Variants in CLINT1 observed in about 807,000 individuals in gnomAD.
The protein encoded by CLINT1 is clathrin interactor 1, also known as clathrin interacting protein localized in the trans-Golgi region.
Under a neutral mutation model 70.4 loss-of-function variants are expected in CLINT1, and 15 were observed. The ratio of observed to expected loss-of-function variants is 0.21; its 90% CI spans 0.14 to 0.33. CLINT1 has a LOEUF of 0.33. Among genes scored for constraint, CLINT1 ranks in the 10% least tolerant of loss-of-function variants. The probability of loss-of-function intolerance (pLI) is 1.00; values close to 1 mark genes in which losing one functional copy is unlikely to be tolerated. For synonymous variants in CLINT1, 227 were observed against 254.7 expected, an observed-to-expected ratio of 0.89 and a Z score of 1.04; for missense variants, 615 against 778.1, an observed-to-expected ratio of 0.79 and a Z score of 2.49.
chr5:157,825,849 C>A (rs1267285895), intron 1 of CLINT1, among the ~76,000 whole-genome samples: 1 of 152,056 alleles, frequency 6.6e-6, no homozygotes, highest in Admixed American at 6.5e-5. Context: ...TTTCAATAAT[C>A]GTTGAATCCA....
At chr5:157,848,437 C>T (rs1211591348) in intron 1 of CLINT1, among the ~76,000 whole-genome samples, 1 of 152,012 alleles carries the variant, frequency 6.6e-6, no homozygotes, top group Non-Finnish European at 1.5e-5. Flanking sequence ...CGCAGTCTCG[C>T]TCTGTTGCCC....
At chr5:157,811,243 T>G (rs923468424) in intron 5 of CLINT1, among the ~76,000 whole-genome samples, 3 of 152,076 alleles carry the variant, frequency 2.0e-5, no homozygotes, top group Non-Finnish European at 4.4e-5. Flanking sequence ...AATGTCAGAA[T>G]GAAAAAACAC....
intron 1 of CLINT1, among the ~76,000 whole-genome samples, chr5:157,846,668 A>T (rs1753391817): frequency 6.6e-6 from 1 of 152,220 alleles, no homozygotes; most frequent in African/African-American, 2.4e-5. Context: ...TTCCAGTGGA[A>T]GATGCCATCT....
chr5:157,839,614 A>AC (rs1430744596), intron 1 of CLINT1, among the ~76,000 whole-genome samples: 8 of 147,448 alleles, frequency 5.4e-5, no homozygotes, highest in African/African-American at 1.8e-4. Flanking sequence ...TAAAATAAAA[A>AC]AAAAAAACAA....
At position 157,786,944 on chromosome 5, in the gene CLINT1, A is replaced by T. The variant is rs912506146; in HGVS notation, c.*702T>A. The T allele has an allele frequency of 6.6e-6, 1 of 152,474 alleles. No individual in the cohort carries two copies. Among genetic ancestry groups the T allele is most frequent in the Admixed American group, 6.5e-5 (1 of 15,290 alleles). The allele number at this position is 152,474 out of a possible 1,614,324, so 9.4% of individuals were successfully genotyped here. A position where few individuals can be genotyped will look rare whatever the true frequency, so the allele number is the denominator to read the frequency against. On this transcript the variant is annotated 3_prime_UTR_variant, in exon 12 of 12. Coordinates refer to ENST00000411809, the MANE Select transcript of CLINT1 (RefSeq NM_014666.4). ...AAACCATAGAGCAGTCCTGAAAAAA[A>T]TTTCTTCCTAGTTCTGCACAGGATA...
intron 1 of CLINT1, among the ~76,000 whole-genome samples, chr5:157,824,782 T>C (rs1762984260): frequency 6.6e-6 from 1 of 152,196 alleles, no homozygotes; most frequent in African/African-American, 2.4e-5. Flanking sequence ...AATGGCATAT[T>C]TAAAAACTAT....
intron 1 of CLINT1, among the ~76,000 whole-genome samples, chr5:157,829,002 T>C (rs752713084): frequency 6.6e-6 from 1 of 151,248 alleles, no homozygotes; most frequent in Admixed American, 6.6e-5. Flanking sequence ...CTCAGGAGGC[T>C]GAGGCAAGAG....
chr5:157,855,928 C>G (rs7719092), intron 1 of CLINT1, among the ~76,000 whole-genome samples: 2 of 151,630 alleles, frequency 1.3e-5, no homozygotes, highest in Non-Finnish European at 2.9e-5. Context: ...AGAGCGAAAC[C>G]CCATCTCAAA....
chr5:157,798,130 G>GTTTC (rs1645034472), intron 8 of CLINT1, among the ~76,000 whole-genome samples: 1 of 152,066 alleles, frequency 6.6e-6, no homozygotes, highest in African/African-American at 2.4e-5. Context: ...TTTAGAAAAT[G>GTTTC]TTTCTCTCCT....
At chr5:157,847,389 T>C (rs184043110) in intron 1 of CLINT1, among the ~76,000 whole-genome samples, 127 of 152,100 alleles carry the variant, frequency 8.3e-4, no homozygotes, top group Admixed American at 2.8e-3. Flanking sequence ...TGGGCGCCTG[T>C]AGTCCCAGCT....
chr5:157,847,156 T>A (rs904855173), intron 1 of CLINT1, among the ~76,000 whole-genome samples: 3 of 152,184 alleles, frequency 2.0e-5, no homozygotes, highest in Non-Finnish European at 4.4e-5. Context: ...CTGATGGATC[T>A]GGGAAAAGTA....
At chr5:157,825,299 T>C (rs1248855898) in intron 1 of CLINT1, among the ~76,000 whole-genome samples, 1 of 152,136 alleles carries the variant, frequency 6.6e-6, no homozygotes, top group Non-Finnish European at 1.5e-5. Context: ...CTCTTTACTT[T>C]TCAAGAGGGA....
chr5:157,827,835 T>G (rs1763087247), intron 1 of CLINT1, among the ~76,000 whole-genome samples: 1 of 152,208 alleles, frequency 6.6e-6, no homozygotes, highest in Admixed American at 6.5e-5. Flanking sequence ...AGGAAAATAT[T>G]GCACACTTAT....
At chr5:157,807,767 T>C (rs553487900) in intron 6 of CLINT1, among the ~76,000 whole-genome samples, 64 of 151,806 alleles carry the variant, frequency 4.2e-4, no homozygotes, top group African/African-American at 1.5e-3. Context: ...AAAAGAAGAG[T>C]AGAGAGACAA....
chr5:157,842,065 G>T (rs936146592), intron 1 of CLINT1, among the ~76,000 whole-genome samples: 1 of 152,144 alleles, frequency 6.6e-6, no homozygotes, highest in African/African-American at 2.4e-5. Flanking sequence ...AACATTATAA[G>T]CTTTTAGATA....
At chr5:157,854,819 T>C (rs1753690912) in intron 1 of CLINT1, among the ~76,000 whole-genome samples, 1 of 152,064 alleles carries the variant, frequency 6.6e-6, no homozygotes, top group African/African-American at 2.4e-5. Flanking sequence ...CTTAGGACCT[T>C]AGCCAGAGCT....
At chr5:157,823,073 G>C (rs1762926020) in intron 1 of CLINT1, among the ~76,000 whole-genome samples, 1 of 151,874 alleles carries the variant, frequency 6.6e-6, no homozygotes, top group East Asian at 1.9e-4. Flanking sequence ...GTTTCTCTTT[G>C]TTTTAAGCTT....
At chr5:157,837,941 C>T (rs555800820) in intron 1 of CLINT1, among the ~76,000 whole-genome samples, 8 of 152,158 alleles carry the variant, frequency 5.3e-5, no homozygotes, top group African/African-American at 1.2e-4. Flanking sequence ...TCCCAGCCAT[C>T]GCACAAGCCA....
chr5:157,801,484 C>A (rs903095111), intron 8 of CLINT1, among the ~76,000 whole-genome samples: 1 of 150,848 alleles, frequency 6.6e-6, no homozygotes, highest in Non-Finnish European at 1.5e-5. Context: ...CCAGCCTGGG[C>A]AACAAGGGCG....
Sources: gnomAD v4.1 joint callset for allele counts (sites outside exome capture counted in the v4.1 genomes callset) on GRCh38, gnomAD v4.1.1 for gene constraint, MANE v1.5 for transcripts, NCBI Gene and HGNC (gene_info 2026-07-23, HGNC 2026-07-21) for gene names.